ITPR2: variants seen among roughly 807,000 people sequenced by gnomAD.
ITPR2 encodes inositol 1,4,5-trisphosphate-gated calcium channel ITPR2.
ITPR2 carries 207 observed loss-of-function variants against 317.1 expected under a neutral mutation model. The observed-to-expected ratio is 0.65, with a 90% CI of 0.58 to 0.73. The LOEUF (loss-of-function observed/expected upper bound fraction) is 0.73. ITPR2 is among the 30% of genes least tolerant of loss of function. The probability of loss-of-function intolerance (pLI) is 0.00; values close to 1 mark genes in which losing one functional copy is unlikely to be tolerated. For missense variants in ITPR2, 2,613 were observed against 3,284.0 expected, an observed-to-expected ratio of 0.80 and a Z score of 4.99; for synonymous variants, 1,156 against 1,149.1, an observed-to-expected ratio of 1.01 and a Z score of -0.12.
chr12:26,556,150 A>G (rs1944655822), intron 36 of ITPR2, 83 bp downstream of exon 36: 2 of 1,350,290 alleles, frequency 1.5e-6, no homozygotes, highest in East Asian at 2.5e-5. Context: ...CTGTCATTTT[A>G]TATCAGTGAA....
chr12:26,614,244 C>A (rs1946329424), intron 26 of ITPR2, among the ~76,000 whole-genome samples: 1 of 151,984 alleles, frequency 6.6e-6, no homozygotes. Context: ...CTCCAAGCAA[C>A]AAGGGCACAA....
intron 20 of ITPR2, among the ~76,000 whole-genome samples, 186 bp downstream of exon 20, chr12:26,655,522 G>A (rs564108798): frequency 6.6e-6 from 1 of 151,310 alleles, no homozygotes. Context: ...GCTGAGGCAG[G>A]AGAATGGCGT....
At chr12:26,635,950 A>T (rs1946854626) in intron 21 of ITPR2, among the ~76,000 whole-genome samples, 1 of 152,176 alleles carries the variant, frequency 6.6e-6, no homozygotes, top group Admixed American at 6.5e-5. Flanking sequence ...AGTAGGTAAT[A>T]TGGTAGCAAC....
chr12:26,758,924 A>G (rs189475587), intron 2 of ITPR2, among the ~76,000 whole-genome samples: 130 of 152,360 alleles, frequency 8.5e-4, no homozygotes, highest in African/African-American at 3.0e-3. Context: ...TCCTCTATGG[A>G]TCACATCCTC....
chr12:26,452,488 T>C (rs1014496267), intron 45 of ITPR2, among the ~76,000 whole-genome samples: 1 of 151,742 alleles, frequency 6.6e-6, no homozygotes, highest in African/African-American at 2.4e-5. Context: ...TGAATTTCTA[T>C]ACTGCTTTGC....
intron 32 of ITPR2, among the ~76,000 whole-genome samples, chr12:26,592,640 T>C (rs1180650877): frequency 6.6e-6 from 1 of 152,232 alleles, no homozygotes. Flanking sequence ...TGTATATAAA[T>C]TTGACTACTA....
intron 37 of ITPR2, among the ~76,000 whole-genome samples, chr12:26,506,364 C>A (rs1211067125): frequency 6.6e-6 from 1 of 151,422 alleles, no homozygotes; most frequent in Non-Finnish European, 1.5e-5. Flanking sequence ...GGAAAATAAT[C>A]TGGGTGTGGT....
At chr12:26,764,546 A>G (rs1949687476) in intron 2 of ITPR2, among the ~76,000 whole-genome samples, 1 of 152,032 alleles carries the variant, frequency 6.6e-6, no homozygotes, top group Non-Finnish European at 1.5e-5. Flanking sequence ...CTAATTAAAA[A>G]CTGTGCAACA....
chr12:26,753,857 A>G (rs1319134367), intron 2 of ITPR2, among the ~76,000 whole-genome samples: 2 of 152,140 alleles, frequency 1.3e-5, no homozygotes, highest in East Asian at 3.9e-4. Context: ...AAAAAAATGG[A>G]TGAGGTTTCC....
At chr12:26,538,075 A>G (rs2136975072) in intron 37 of ITPR2, among the ~76,000 whole-genome samples, 1 of 152,348 alleles carries the variant, frequency 6.6e-6, no homozygotes, top group East Asian at 1.9e-4. Context: ...TTGCAAATTG[A>G]TATCATCATA....
At chr12:26,750,242 A>C (rs1949391376) in intron 2 of ITPR2, among the ~76,000 whole-genome samples, 1 of 152,236 alleles carries the variant, frequency 6.6e-6, no homozygotes, top group Non-Finnish European at 1.5e-5. Context: ...GTGGGTAGAC[A>C]GCCACCATGG....
intron 24 of ITPR2, among the ~76,000 whole-genome samples, 158 bp downstream of exon 24, chr12:26,624,141 G>T (rs943667056): frequency 2.6e-4 from 40 of 152,088 alleles, no homozygotes; most frequent in African/African-American, 9.2e-4. Context: ...TTCTCCTCCA[G>T]AGTAAATTAG....
intron 13 of ITPR2, among the ~76,000 whole-genome samples, chr12:26,668,787 T>A (rs1480661228): frequency 6.7e-6 from 1 of 148,826 alleles, no homozygotes; most frequent in African/African-American, 2.5e-5. Context: ...CCAATATAAA[T>A]GAAAAATAGG....
intron 5 of ITPR2, among the ~76,000 whole-genome samples, chr12:26,716,997 A>G (rs1450394690): frequency 6.6e-6 from 1 of 152,176 alleles, no homozygotes; most frequent in East Asian, 1.9e-4. Context: ...TCATAACTCA[A>G]ATTGTGGGGA....
At chr12:26,482,717 C>T (rs929142123) in intron 42 of ITPR2, among the ~76,000 whole-genome samples, 2 of 152,138 alleles carry the variant, frequency 1.3e-5, no homozygotes, top group Non-Finnish European at 2.9e-5. Flanking sequence ...CAAAACTGTC[C>T]TGTTTTCATT....
chr12:26,361,264 G>C lies in ITPR2; in HGVS notation c.7858-20936C>G, dbSNP rs965105339. On this transcript the variant is annotated intron_variant, in intron 55 of 56. Transcript: ENST00000381340. ...TCATGTTTAATTGTGCTGGAAGTTG[G>C]GTTTTGAATTATGTTATCTATTGAA... Among the ~76,000 whole-genome samples the C allele has an allele frequency of 4.6e-5, 7 of 151,660 alleles. No individual in the cohort carries two copies. In the East Asian group the frequency reaches 1.2e-3, roughly 25 times the overall value.
intron 21 of ITPR2, among the ~76,000 whole-genome samples, chr12:26,634,658 G>T (rs1306954585): frequency 6.6e-6 from 1 of 152,084 alleles, no homozygotes; most frequent in East Asian, 1.9e-4. Flanking sequence ...GGCCAAGGCG[G>T]GTGGATCACT....
chr12:26,432,936 G>A lies in ITPR2; in HGVS notation c.6769+3285C>T, dbSNP rs529870141. Reference sequence around the variant, plus strand: ...CACTTCACAGTGGCCCTAGCATACAGTCGTTCAGCCTGTTTGACCAAATCC... The same window carrying A: ...CACTTCACAGTGGCCCTAGCATACAATCGTTCAGCCTGTTTGACCAAATCC... On this transcript the variant is annotated intron_variant, in intron 48 of 56. Coordinates refer to ENST00000381340, the MANE Select transcript of ITPR2 (RefSeq NM_002223.4). Among the ~76,000 whole-genome samples the A allele has an allele frequency of 1.7e-4, 26 of 152,268 alleles. No homozygotes were observed. The East Asian group carries it at 4.6e-3, about 27-fold the overall frequency.
intron 22 of ITPR2, chr12:26,630,465 C>A (rs1946724133): frequency 6.6e-6 from 1 of 151,782 alleles, no homozygotes; most frequent in Admixed American, 6.6e-5. Flanking sequence ...AAAGAAGACC[C>A]AGGGGGAAGA....
Sources: gnomAD v4.1 joint callset for allele counts (sites outside exome capture counted in the v4.1 genomes callset) on GRCh38, gnomAD v4.1.1 for gene constraint, MANE v1.5 for transcripts, NCBI Gene and HGNC (gene_info 2026-07-23, HGNC 2026-07-21) for gene names.